The following AP4M1 variants were observed in gnomAD, a reference collection of about 807,000 sequenced individuals.
AP4M1 encodes adaptor related protein complex 4 subunit mu 1, also known as AP-4 complex subunit mu-1.
AP4M1 carries 58 observed loss-of-function variants against 62.4 expected under a neutral mutation model. That is an observed-to-expected ratio of 0.93 (90% CI 0.75 to 1.16). The LOEUF (loss-of-function observed/expected upper bound fraction) is 1.16, where lower values mean the gene tolerates loss of function less well. AP4M1 is among the 50% of genes most tolerant of loss of function. The pLI, the probability that AP4M1 is intolerant of heterozygous loss-of-function variation, is 0.00. For synonymous variants in AP4M1, 290 were observed against 239.7 expected, an observed-to-expected ratio of 1.21 and a Z score of -1.94; for missense variants, 626 against 585.4, an observed-to-expected ratio of 1.07 and a Z score of -0.72.
At position 100,107,388 on chromosome 7, in the gene AP4M1, G is replaced by A. The variant is rs148250440; in HGVS notation, c.*506G>A. 193 of 1,596,356 alleles carry A rather than the reference G, an allele frequency of 1.2e-4. No homozygotes were observed. Among genetic ancestry groups the A allele is most frequent in the African/African-American group, 4.0e-4 (30 of 74,592 alleles). Reference sequence around the variant, plus strand: ...GCTGAGTGGGGACGGGGACGATGCCGGGGGAGGAACTGGAGAAGGATGGGA... The same window carrying A: ...GCTGAGTGGGGACGGGGACGATGCCAGGGGAGGAACTGGAGAAGGATGGGA... On this transcript the variant is annotated 3_prime_UTR_variant, in exon 15 of 15. Coordinates refer to ENST00000359593, the MANE Select transcript of AP4M1 (RefSeq NM_004722.4).
In AP4M1 at chr7:100,107,944, G is replaced by A. The variant is rs763753740; in HGVS notation, c.*1062G>A. The A allele has an allele frequency of 1.6e-5, 26 of 1,612,052 alleles. No homozygotes were observed. The highest frequency in any genetic ancestry group is 6.7e-5 in the East Asian group (3 of 44,850). On this transcript the variant is annotated 3_prime_UTR_variant, in exon 15 of 15. Coordinates refer to ENST00000359593, the MANE Select transcript of AP4M1 (RefSeq NM_004722.4). Reference sequence around the variant, plus strand: ...TGCATACCTGCTGGGTGGATGGGGCGCTGGAGGACGATGACATTACAATAA... The same window carrying A: ...TGCATACCTGCTGGGTGGATGGGGCACTGGAGGACGATGACATTACAATAA...
At chr7:100,103,547 G>C in intron 5 of AP4M1, 28 bp downstream of exon 5, 2 of 1,613,876 alleles carry the variant, frequency 1.2e-6, no homozygotes, top group Non-Finnish European at 1.7e-6. Context: ...GGAGGGTGAG[G>C]AAAGAGAAGA....
Position 100,103,702 on chromosome 7 carries a change from G to GGATC in AP4M1, c.543+11_543+14dup, listed in dbSNP as rs764092006. 5.6e-6 allele frequency: 9 copies of GGATC among 1,610,616 alleles called. No individual in the cohort carries two copies. Among genetic ancestry groups the GGATC allele is most frequent in the African/African-American group, 1.3e-5 (1 of 74,824 alleles). Reference sequence around the variant, plus strand: ...CAGTCGCTCTGACCAGGTGAGGGAAGGATCCATGGGGTCAGACGCTCTGGT... The same window carrying GGATC: ...CAGTCGCTCTGACCAGGTGAGGGAAGGATCGATCCATGGGGTCAGACGCTCTGGT... On this transcript the variant is annotated intron_variant, in intron 6 of 14. Coordinates refer to ENST00000359593, the MANE Select transcript of AP4M1 (RefSeq NM_004722.4).
chr7:100,103,397 C>G lies in AP4M1; in HGVS notation c.352-12C>G. On this transcript the variant is annotated splice_polypyrimidine_tract_variant and intron_variant, in intron 4 of 14. Coordinates refer to ENST00000359593, the MANE Select transcript of AP4M1 (RefSeq NM_004722.4). ...CCACTGATCACTCAGACTGTCCTTC[C>G]TTTACCACTAGGACTATGGCTATGT... is the stretch of plus-strand genomic sequence containing the variant. 6.2e-7 allele frequency: 1 copy of G among 1,610,248 alleles called. No individual in the cohort carries two copies. Among genetic ancestry groups the G allele is most frequent in the Non-Finnish European group, 8.5e-7 (1 of 1,176,606 alleles).
chr7:100,101,637 C>G (rs930100595), upstream of AP4M1: 1 of 1,411,450 alleles, frequency 7.1e-7, no homozygotes, highest in South Asian at 1.2e-5. Context: ...CCAGCGCACA[C>G]GCGTTCTTTT....
At position 100,108,051 on chromosome 7, in the gene AP4M1, C is replaced by T. The variant is rs781020439; in HGVS notation, c.*1169C>T. 1.2e-6 allele frequency: 2 copies of T among 1,613,228 alleles called. No homozygotes were observed. Among genetic ancestry groups the T allele is most frequent in the Admixed American group, 3.3e-5 (2 of 59,844 alleles). On this transcript the variant is annotated 3_prime_UTR_variant, in exon 15 of 15. Coordinates refer to ENST00000359593, the MANE Select transcript of AP4M1 (RefSeq NM_004722.4). ...GTCTGGACAGGAAGTGCGATGGAGC[C>T]AGGAACCTTCAGCAAGCCAGGGGTG...
rs1259626722 is a variant in AP4M1 at position 100,105,559 on chromosome 7, T to C, written c.929+20T>C. On this transcript the variant is annotated intron_variant, in intron 11 of 14. Coordinates refer to ENST00000359593, the MANE Select transcript of AP4M1 (RefSeq NM_004722.4). The stretch of plus-strand genomic sequence containing the variant: ...AGGCCGGTGAGACAATTTCCTGGGT[T>C]CTAGAACTACCTTGGAACCCAAGCC... 11 of 1,603,034 alleles carry C rather than the reference T, an allele frequency of 6.9e-6. No individual in the cohort carries two copies. Among genetic ancestry groups the C allele is most frequent in the Non-Finnish European group, 8.5e-6 (10 of 1,173,074 alleles).
Position 100,107,028 on chromosome 7 carries a change from C to G in AP4M1, c.*146C>G. 8.1e-7 allele frequency: 1 copy of G among 1,231,080 alleles called. No individual in the cohort carries two copies. Among genetic ancestry groups the G allele is most frequent in the Non-Finnish European group, 1.1e-6 (1 of 871,110 alleles). 76.3% of individuals were successfully genotyped at this position (1,231,080 alleles called of 1,614,324 possible). On this transcript the variant is annotated 3_prime_UTR_variant, in exon 15 of 15. Transcript: ENST00000359593. ...CAAGACCAGGAGGGGGCAATGGGCC[C>G]AGCCTTTCTGTGGTATCTGATGCAG...
Position 100,107,226 on chromosome 7 carries a change from G to A in AP4M1, c.*344G>A, listed in dbSNP as rs4134928. The A allele has an allele frequency of 2.3e-3, 3,562 of 1,518,962 alleles. 62 individuals are homozygous for A. The South Asian group carries it at 0.029, about 12-fold the overall frequency. The allele number at this position is 1,518,962 out of a possible 1,614,324, so 94.1% of individuals were successfully genotyped here. A position where few individuals can be genotyped will look rare whatever the true frequency, so the allele number is the denominator to read the frequency against. Reference sequence around the variant, plus strand: ...TACATGTCTGCATGTGTGGGAATCCGGGGGCTGGCAGGTGGAGCATCACGG... The same window carrying A: ...TACATGTCTGCATGTGTGGGAATCCAGGGGCTGGCAGGTGGAGCATCACGG... On this transcript the variant is annotated 3_prime_UTR_variant, in exon 15 of 15. Coordinates refer to ENST00000359593, the MANE Select transcript of AP4M1 (RefSeq NM_004722.4).
At position 100,103,488 on chromosome 7, in the gene AP4M1, T is replaced by G; in HGVS notation, c.431T>G (p.Phe144Cys). 6.2e-7 allele frequency: 1 copy of G among 1,614,184 alleles called. No homozygotes were observed. The highest frequency in any genetic ancestry group is 8.5e-7 in the Non-Finnish European group (1 of 1,180,034). Residue 144 changes from phenylalanine to cysteine, a missense_variant, in exon 5 of 15, where the codon TTC becomes TGC. By Grantham distance (205) the Phe-to-Cys change is radical. Coordinates refer to ENST00000359593, the MANE Select transcript of AP4M1 (RefSeq NM_004722.4). The part of the protein sequence containing the change: ...IQTEAVVSKP[F>C]SLFDLSSVGL... The stretch of plus-strand genomic sequence containing the variant: ...ACGGAAGCTGTGGTCAGCAAGCCCT[T>G]CAGCCTCTTTGACCTCAGCAGCGTT...
intron 1 of AP4M1, 22 bp from the exon 2 acceptor site, chr7:100,101,858 A>C (rs1349129406): frequency 6.2e-7 from 1 of 1,612,712 alleles, no homozygotes; most frequent in Non-Finnish European, 8.5e-7. Flanking sequence ...AGGATCCTTC[A>C]CTGAGTCCTT....
chr7:100,100,813 C>T (rs1795965278), upstream of AP4M1: 4 of 999,314 alleles, frequency 4.0e-6, no homozygotes, highest in South Asian at 1.3e-4. Context: ...CGGAGGGCGG[C>T]CTCAAACGGC....
In AP4M1 at chr7:100,107,391, G is replaced by A; in HGVS notation, c.*509G>A. On this transcript the variant is annotated 3_prime_UTR_variant, in exon 15 of 15. Coordinates refer to ENST00000359593, the MANE Select transcript of AP4M1 (RefSeq NM_004722.4). ...GAGTGGGGACGGGGACGATGCCGGG[G>A]GAGGAACTGGAGAAGGATGGGAGGT... The A allele has an allele frequency of 6.3e-7, 1 of 1,598,346 alleles. No homozygotes were observed. Among genetic ancestry groups the A allele is most frequent in the Non-Finnish European group, 8.5e-7 (1 of 1,170,232 alleles).
At chr7:100,103,031 G>A in intron 4 of AP4M1, 71 bp downstream of exon 4, 1 of 1,327,080 alleles carries the variant, frequency 7.5e-7, no homozygotes, top group Non-Finnish European at 1.1e-6. Context: ...CTTCTACTGT[G>A]GGATGCCGTG....
intron 9 of AP4M1, 25 bp from the exon 10 acceptor site, chr7:100,105,215 G>T: frequency 6.2e-7 from 1 of 1,611,592 alleles, no homozygotes; most frequent in Non-Finnish European, 8.5e-7. Flanking sequence ...AGTCAGGAGA[G>T]AAGTCTCTCT....
chr7:100,102,102 C>T lies in AP4M1; in HGVS notation c.147+134C>T, dbSNP rs1796092385. The T allele has an allele frequency of 3.8e-5, 39 of 1,032,962 alleles. No individual in the cohort carries two copies. In the South Asian group the frequency reaches 4.9e-4, roughly 13 times the overall value. 64.0% of individuals were successfully genotyped at this position (1,032,962 alleles called of 1,614,324 possible). ...CCGCCAAATAAAGCTAACGTGAGGCCCGGCGCGGTGGCTCACGCCTGTAAT... is the reference window on the plus strand; with the variant it reads ...CCGCCAAATAAAGCTAACGTGAGGCTCGGCGCGGTGGCTCACGCCTGTAAT... On this transcript the variant is annotated intron_variant, in intron 2 of 14. Coordinates refer to ENST00000359593, the MANE Select transcript of AP4M1 (RefSeq NM_004722.4).
intron 4 of AP4M1, 56 bp from the exon 5 acceptor site, chr7:100,103,353 C>A: frequency 6.8e-7 from 1 of 1,472,206 alleles, no homozygotes; most frequent in South Asian, 1.1e-5. Flanking sequence ...GCCCCACTCC[C>A]CCTCTTTACC....
At chr7:100,101,350 G>A, upstream of AP4M1, 2 of 1,609,668 alleles carry the variant, frequency 1.2e-6, no homozygotes, top group African/African-American at 1.3e-5. Flanking sequence ...TGCTCCTGGG[G>A]AAGCTGAGAA....
rs543556832 is a variant in AP4M1, at chr7:100,108,472, T to C, written c.*1590T>C. The C allele has an allele frequency of 2.2e-5, 36 of 1,613,976 alleles. 1 individual carries two copies. The South Asian group carries it at 3.6e-4, about 16-fold the overall frequency. ...AGAGGAGGGGCCCAAGGGACCCGAA[T>C]TCTGCCCGATAGGCGTCCTGATTGT... On this transcript the variant is annotated 3_prime_UTR_variant, in exon 15 of 15. Transcript: ENST00000359593.
Sources: gnomAD v4.1 joint callset for allele counts on GRCh38, gnomAD v4.1.1 for gene constraint, MANE v1.5 for transcripts, NCBI Gene and HGNC (gene_info 2026-07-23, HGNC 2026-07-21) for gene names.